FHIT: variants seen among roughly 807,000 people sequenced by gnomAD.
FHIT encodes the protein bis(5'-adenosyl)-triphosphatase.
Under a neutral mutation model 17.9 loss-of-function variants are expected in FHIT, and 19 were observed. The observed-to-expected ratio is 1.06, with a 90% confidence interval of 0.74 to 1.56. The LOEUF (loss-of-function observed/expected upper bound fraction) is 1.56. FHIT is among the 40% of genes most tolerant of loss of function. The probability of loss-of-function intolerance (pLI) is 0.00; values close to 1 mark genes in which losing one functional copy is unlikely to be tolerated. For missense variants in FHIT, 248 were observed against 189.2 expected (o/e 1.31, Z -1.82); for synonymous variants, 81 against 69.7 (o/e 1.16, Z -0.81).
At chr3:59,752,545 A>AG (rs1407268767) in intron 8 of FHIT, among the ~76,000 whole-genome samples, 4 of 152,084 alleles carry the variant, frequency 2.6e-5, no homozygotes, top group Non-Finnish European at 5.9e-5. Flanking sequence ...ACTGAGGCTG[A>AG]GGGGGGTGAT....
At chr3:61,102,229 A>G (rs547021322) in intron 2 of FHIT, among the ~76,000 whole-genome samples, 13 of 152,174 alleles carry the variant, frequency 8.5e-5, no homozygotes, top group Non-Finnish European at 8.8e-5. Flanking sequence ...GATACGTTCC[A>G]TTAATACCTA....
chr3:60,568,568 T>A (rs575065905), intron 4 of FHIT, among the ~76,000 whole-genome samples: 1 of 152,042 alleles, frequency 6.6e-6, no homozygotes, highest in East Asian at 1.9e-4. Context: ...GTAACTAACC[T>A]GTACATTCTG....
intron 8 of FHIT, among the ~76,000 whole-genome samples, chr3:59,914,194 G>A (rs1050114440): frequency 2.6e-5 from 3 of 116,654 alleles, no homozygotes; most frequent in South Asian, 6.3e-4. Context: ...TTATTAATGA[G>A]ATATTTACTT....
At chr3:59,891,346 G>T (rs73100701) in intron 8 of FHIT, among the ~76,000 whole-genome samples, 4,222 of 152,288 alleles carry the variant, frequency 0.028, 80 homozygotes, top group South Asian at 0.079. Context: ...GGTTTATTCT[G>T]CATGAAGGGA....
chr3:60,934,566 C>T (rs1425786214), intron 3 of FHIT, among the ~76,000 whole-genome samples: 8 of 152,174 alleles, frequency 5.3e-5, no homozygotes, highest in African/African-American at 1.9e-4. Context: ...TACTGTGTCT[C>T]AAGCACATCA....
intron 3 of FHIT, among the ~76,000 whole-genome samples, chr3:61,030,533 T>C (rs956042961): frequency 1.3e-5 from 2 of 152,268 alleles, no homozygotes; most frequent in East Asian, 3.8e-4. Context: ...TACATTTTAA[T>C]CATCACAGAA....
chr3:61,017,539 G>T (rs141269595), intron 3 of FHIT, among the ~76,000 whole-genome samples: 1 of 152,320 alleles, frequency 6.6e-6, no homozygotes, highest in East Asian at 1.9e-4. Flanking sequence ...GGAATCCGAT[G>T]TATCATTCAC....
chr3:60,429,465 C>T lies in FHIT; in HGVS notation c.103+107395G>A, dbSNP rs137966781. ...AGTCAGGAGGAATTTCCTGAACAGG[C>T]ACAACAACTTCAGACCCATGAGGGA... On this transcript the variant is annotated intron_variant, in intron 5 of 9. Transcript: ENST00000492590. Among the ~76,000 whole-genome samples the T allele has an allele frequency of 3.2e-4, 48 of 152,052 alleles. No individual in the cohort carries two copies. The East Asian group carries it at 9.2e-3, about 29-fold the overall frequency.
intron 5 of FHIT, among the ~76,000 whole-genome samples, chr3:60,265,555 A>G (rs563108678): frequency 3.4e-4 from 52 of 152,136 alleles, no homozygotes; most frequent in African/African-American, 1.2e-3. Flanking sequence ...CAGCCACAAC[A>G]AAGAAAAAAT....
chr3:59,948,413 A>G (rs1223062164), intron 7 of FHIT, among the ~76,000 whole-genome samples: 1 of 151,050 alleles, frequency 6.6e-6, no homozygotes, highest in African/African-American at 2.4e-5. Context: ...GCTACTTGGG[A>G]GGCTGAGTCA....
intron 4 of FHIT, among the ~76,000 whole-genome samples, chr3:60,540,365 G>A (rs1208225480): frequency 6.6e-6 from 1 of 152,188 alleles, no homozygotes; most frequent in Admixed American, 6.5e-5. Context: ...CTCAAAGAAG[G>A]GACCATGGGG....
At chr3:60,628,157 C>A (rs1302555049) in intron 4 of FHIT, among the ~76,000 whole-genome samples, 8 of 152,174 alleles carry the variant, frequency 5.3e-5, no homozygotes, top group African/African-American at 1.9e-4. Flanking sequence ...TCATTTTCAT[C>A]AATGACATAA....
chr3:60,271,849 G>A (rs78482499), intron 5 of FHIT, among the ~76,000 whole-genome samples: 1 of 152,212 alleles, frequency 6.6e-6, no homozygotes, highest in Non-Finnish European at 1.5e-5. Context: ...AGATAGTAGA[G>A]GCTCCATGCA....
chr3:61,154,368 AGAAG>A (rs2037476615), intron 2 of FHIT, among the ~76,000 whole-genome samples: 1 of 152,242 alleles, frequency 6.6e-6, no homozygotes, highest in African/African-American at 2.4e-5. Context: ...ATGATAATGT[AGAAG>A]GAAGAACCTG....
At chr3:59,945,539 CTT>C (rs201054302) in intron 7 of FHIT, among the ~76,000 whole-genome samples, 8 of 140,686 alleles carry the variant, frequency 5.7e-5, no homozygotes, top group African/African-American at 2.6e-5. Context: ...TTCCATTTGT[CTT>C]TTTTTTTTTT....
chr3:61,129,220 A>G (rs558238590), intron 2 of FHIT, among the ~76,000 whole-genome samples: 1 of 152,356 alleles, frequency 6.6e-6, no homozygotes, highest in South Asian at 2.1e-4. Flanking sequence ...GCCAGTCCCA[A>G]TGTAAGACAC....
intron 2 of FHIT, among the ~76,000 whole-genome samples, chr3:61,045,643 T>C (rs924519774): frequency 1.3e-5 from 2 of 152,208 alleles, no homozygotes; most frequent in Non-Finnish European, 2.9e-5. Flanking sequence ...GTGGACCTAA[T>C]AGACATCTAC....
intron 3 of FHIT, among the ~76,000 whole-genome samples, chr3:60,842,600 TGTATATATATATACATATATATATGA>T (rs1702759468): frequency 4.7e-5 from 6 of 128,508 alleles, no homozygotes; most frequent in Non-Finnish European, 9.9e-5. Context: ...ATTAAATGAG[TGTATATATATATACATATATATATGA>T]GTGTATATAT....
intron 3 of FHIT, among the ~76,000 whole-genome samples, chr3:60,887,329 T>TA (rs531724135): frequency 2.4e-4 from 37 of 152,312 alleles, no homozygotes; most frequent in Middle Eastern, 3.4e-3. Context: ...TTGGTTAAAA[T>TA]ACGCTTTTAA....
Sources: allele counts gnomAD v4.1 joint callset (sites outside exome capture counted in the v4.1 genomes callset), GRCh38; gene constraint gnomAD v4.1.1; transcripts MANE v1.5; gene names NCBI Gene and HGNC (gene_info 2026-07-23, HGNC 2026-07-21).